Variants in SORBS2 observed in about 807,000 individuals in gnomAD.
The protein encoded by SORBS2 is sorbin and SH3 domain containing 2.
In SORBS2, 46 loss-of-function variants were observed where a neutral mutation model predicts 97.7. That is an observed-to-expected ratio of 0.47 (90% CI 0.37 to 0.60). The LOEUF is 0.60. Ranked by LOEUF, SORBS2 falls within the 20% of genes least tolerant of loss-of-function variation. The pLI, the probability that SORBS2 is intolerant of heterozygous loss-of-function variation, is 0.00. For synonymous variants in SORBS2, 476 were observed against 473.4 expected, an observed-to-expected ratio of 1.01 and a Z score of -0.07; for missense variants, 1,316 against 1,282.3, an observed-to-expected ratio of 1.03 and a Z score of -0.40.
intron 9 of SORBS2, among the ~76,000 whole-genome samples, chr4:185,616,423 C>T (rs2096628071): frequency 6.6e-6 from 1 of 152,198 alleles, no homozygotes; most frequent in South Asian, 2.1e-4. Flanking sequence ...GTGCTTCCTT[C>T]TTTTGTGCAA....
chr4:185,886,482 G>A (rs1367782642), intron 1 of SORBS2, among the ~76,000 whole-genome samples: 1 of 149,644 alleles, frequency 6.7e-6, no homozygotes, highest in Non-Finnish European at 1.5e-5. Context: ...TTGAACCTGG[G>A]AGGCGGAGGT....
rs568564463 is a variant in SORBS2, at chr4:185,764,735, T to C, written c.-198+10492A>G. On this transcript the variant is annotated intron_variant, in intron 2 of 20. Coordinates refer to the SORBS2 transcript ENST00000284776. ...GCAAATAGAGGGAAAGATGTTTTAA[T>C]GCAGGTCTTTATTGAGTCGTTCAAA... 5.9e-5 allele frequency among the ~76,000 whole-genome samples: 9 copies of C among 152,310 alleles called. No homozygotes were observed. In the South Asian group the frequency reaches 6.2e-4, roughly 11 times the overall value.
In SORBS2 at chr4:185,620,154, A is replaced by G. The variant is rs372304077; in HGVS notation, c.2216-3T>C. 22 of 1,591,258 alleles carry G rather than the reference A, an allele frequency of 1.4e-5. No individual in the cohort carries two copies. The highest frequency in any genetic ancestry group is 1.6e-5 in the Non-Finnish European group (18 of 1,159,118). On this transcript the variant is annotated splice_region_variant and splice_polypyrimidine_tract_variant and intron_variant, in intron 7 of 14. Coordinates refer to ENST00000418609, the Ensembl canonical transcript of SORBS2. ...GTAACTTCTAGGGGACTCACGGTCT[A>G]TTGGAAAGAACAGGGCCAGTCATGG...
At chr4:185,867,612 C>T (rs976182602) in intron 1 of SORBS2, among the ~76,000 whole-genome samples, 1 of 152,176 alleles carries the variant, frequency 6.6e-6, no homozygotes, top group Non-Finnish European at 1.5e-5. Flanking sequence ...TTGAGTTCAA[C>T]CATTGGACTG....
intron 1 of SORBS2, among the ~76,000 whole-genome samples, chr4:185,791,267 A>T (rs2099078761): frequency 6.6e-6 from 1 of 152,198 alleles, no homozygotes; most frequent in African/African-American, 2.4e-5. Context: ...TGAATACATT[A>T]AATGTTTAAG....
At chr4:185,793,289 G>A (rs10866283) in intron 1 of SORBS2, among the ~76,000 whole-genome samples, 124,604 of 152,272 alleles carry the variant, frequency 0.82, 51,684 homozygotes, top group Non-Finnish European at 0.88. Flanking sequence ...AGCCTAGGCA[G>A]TGGCAGGATG....
At chr4:185,696,524 G>T (rs1371218121) in intron 2 of SORBS2, among the ~76,000 whole-genome samples, 1 of 152,040 alleles carries the variant, frequency 6.6e-6, no homozygotes, top group Admixed American at 6.5e-5. Flanking sequence ...ATGCGATCTT[G>T]CCCACTGCAA....
chr4:185,672,017 T>G (rs1381248813), intron 4 of SORBS2, among the ~76,000 whole-genome samples: 3 of 152,192 alleles, frequency 2.0e-5, no homozygotes, highest in Non-Finnish European at 1.5e-5. Context: ...ATGGAGAAAT[T>G]GCCAAAGACC....
At chr4:185,796,165 G>T (rs562402658) in intron 1 of SORBS2, among the ~76,000 whole-genome samples, 2 of 152,254 alleles carry the variant, frequency 1.3e-5, no homozygotes, top group South Asian at 4.1e-4. Context: ...CTCTGCCTCT[G>T]AAAGTGTTGG....
rs571506711 is a variant in SORBS2 at position 185,864,599 on chromosome 4, G to A, written c.-337-89233C>T. ...ATTTAACAGTTTACTAAGAGAAAAC[G>A]CCTTGGTAAGAGCAAATAGATCACT... On this transcript the variant is annotated intron_variant, in intron 1 of 20. Transcript: ENST00000284776. Among the ~76,000 whole-genome samples, 273 of 152,238 alleles carry A rather than the reference G, an allele frequency of 1.8e-3. 1 individual carries two copies. The highest frequency in any genetic ancestry group is 6.2e-3 in the African/African-American group (256 of 41,560).
At chr4:185,936,968 A>T (rs548591191) in intron 1 of SORBS2, among the ~76,000 whole-genome samples, 1 of 152,368 alleles carries the variant, frequency 6.6e-6, no homozygotes, top group South Asian at 2.1e-4. Flanking sequence ...AGACAGTAAG[A>T]GGACTACCTT....
chr4:185,862,973 A>G (rs2099224744), intron 1 of SORBS2, among the ~76,000 whole-genome samples: 1 of 152,220 alleles, frequency 6.6e-6, no homozygotes, highest in African/African-American at 2.4e-5. Context: ...TCACGGGTCT[A>G]GTGCCTACCT....
chr4:185,665,901 C>G (rs1210278935), intron 4 of SORBS2: 1 of 1,192,744 alleles, frequency 8.4e-7, no homozygotes, highest in African/African-American at 1.6e-5. Flanking sequence ...AGTGCTCGGC[C>G]AGGGAGGAGT....
rs533501334 is a variant in SORBS2 at position 185,607,042 on chromosome 4, G to A, written c.2796+4738C>T. 107 of 1,025,316 alleles carry A rather than the reference G, an allele frequency of 1.0e-4. No homozygotes were observed. The African/African-American group carries it at 1.8e-3, about 17-fold the overall frequency. 63.5% of individuals were successfully genotyped at this position (1,025,316 alleles called of 1,614,324 possible). ...CGAGGCCACACCCGCGTGAGTGGAA[G>A]GTGATTCGGCAGGTGCAGTCGCTGG... On this transcript the variant is annotated intron_variant, in intron 12 of 14. Transcript: ENST00000418609. The surrounding 1 kb of genome is among the most constrained non-coding windows in gnomAD (Gnocchi z 5.2).
intron 2 of SORBS2, among the ~76,000 whole-genome samples, chr4:185,752,425 G>C (rs756548631): frequency 6.6e-6 from 1 of 152,040 alleles, no homozygotes; most frequent in Admixed American, 6.5e-5. Context: ...ACAGGCGCCC[G>C]CCACCACACC....
chr4:185,625,030 G>T (rs1034751035), intron 6 of SORBS2, among the ~76,000 whole-genome samples: 4 of 152,146 alleles, frequency 2.6e-5, no homozygotes, highest in African/African-American at 7.2e-5. Flanking sequence ...GTGGGTTTTA[G>T]ATTTTAAAAG....
chr4:185,909,029 C>G (rs186455688), intron 1 of SORBS2, among the ~76,000 whole-genome samples: 70 of 151,884 alleles, frequency 4.6e-4, no homozygotes, highest in Admixed American at 4.2e-3. Flanking sequence ...TGTATGAATC[C>G]AACAATCCCA....
chr4:185,617,583 G>A (rs1046533294), intron 9 of SORBS2, among the ~76,000 whole-genome samples: 1 of 151,966 alleles, frequency 6.6e-6, no homozygotes, highest in African/African-American at 2.4e-5. Context: ...AATTTACAAT[G>A]AATTCAATAT....
chr4:185,907,379 T>C (rs1226608082), intron 1 of SORBS2, among the ~76,000 whole-genome samples: 2 of 152,212 alleles, frequency 1.3e-5, no homozygotes, highest in Admixed American at 6.5e-5. Flanking sequence ...TAAAATTCCA[T>C]ATAAGAAATT....
Sources: gnomAD v4.1 joint callset for allele counts (sites outside exome capture counted in the v4.1 genomes callset) on GRCh38, gnomAD v4.1.1 for gene constraint, Gnocchi (gnomAD v3.1) non-coding constraint, MANE v1.5 for transcripts, NCBI Gene and HGNC (gene_info 2026-07-23, HGNC 2026-07-21) for gene names.